IRAG1: variants seen among roughly 807,000 people sequenced by gnomAD.
IRAG1 encodes inositol 1,4,5-triphosphate receptor associated 1, also known as IP3R-associated cGMP kinase substrate.
Under a neutral mutation model 106.2 loss-of-function variants are expected in IRAG1, and 62 were observed. The observed-to-expected ratio is 0.58, with a 90% confidence interval of 0.48 to 0.72. The LOEUF is 0.72. Ranked by LOEUF, IRAG1 falls within the 30% of genes least tolerant of loss-of-function variation. IRAG1 has a pLI of 0.00. For missense variants in IRAG1, 1,064 were observed against 1,140.7 expected, an observed-to-expected ratio of 0.93 and a Z score of 0.97; for synonymous variants, 462 against 443.9, an observed-to-expected ratio of 1.04 and a Z score of -0.51.
At chr11:10,677,924 T>G (rs1282200677) in intron 1 of IRAG1, among the ~76,000 whole-genome samples, 1 of 152,254 alleles carries the variant, frequency 6.6e-6, no homozygotes, top group Non-Finnish European at 1.5e-5. Flanking sequence ...ATAATGTTTT[T>G]GAGGTTTATC....
Position 10,603,180 on chromosome 11 carries a change from G to T in IRAG1, c.1815C>A (p.Val605=), listed in dbSNP as rs761553369. The T allele has an allele frequency of 1.7e-5, 27 of 1,610,930 alleles. 1 individual carries two copies. The Middle Eastern group carries it at 8.4e-4, about 50-fold the overall frequency. ...AGAGGCGGGCAGCCAGGCGGTGCAGGACAGCGATGTCCTCCAGCAACTTCT... is the reference window on the plus strand; with the variant it reads ...AGAGGCGGGCAGCCAGGCGGTGCAGTACAGCGATGTCCTCCAGCAACTTCT... The part of the protein sequence containing the change: ...TYQKLLEDIA[V]LHRLAARLSS... Residue 605 remains valine, a synonymous_variant, in exon 14 of 21, where the codon GTC becomes GTA. Transcript: ENST00000423302.
At position 10,580,396 on chromosome 11, in the gene IRAG1, T is replaced by G. The variant is rs1231706051; in HGVS notation, c.2495+59A>C. The G allele has an allele frequency of 3.2e-6, 5 of 1,575,052 alleles. No homozygotes were observed. The African/African-American group carries it at 6.9e-5, about 22-fold the overall frequency. ...TTCCAGGGATTTTGTGCATTTAAAT[T>G]AGATGAATTGTAACCCCCATTTCAG... On this transcript the variant is annotated intron_variant, in intron 20 of 20. Coordinates refer to ENST00000423302, the MANE Select transcript of IRAG1 (RefSeq NM_130385.4).
At chr11:10,592,407 A>G (rs1852782477) in intron 17 of IRAG1, among the ~76,000 whole-genome samples, 1 of 152,072 alleles carries the variant, frequency 6.6e-6, no homozygotes, top group Non-Finnish European at 1.5e-5. Flanking sequence ...ATTCTTAAAC[A>G]TTTTTTTCAG....
chr11:10,631,355 C>T (rs544035330), intron 4 of IRAG1, among the ~76,000 whole-genome samples: 2 of 152,340 alleles, frequency 1.3e-5, no homozygotes, highest in South Asian at 2.1e-4. Flanking sequence ...TTTCCTCCCT[C>T]GCCTATCTGT....
chr11:10,609,644 C>T, intron 11 of IRAG1, 84 bp downstream of exon 11: 1 of 1,474,724 alleles, frequency 6.8e-7, no homozygotes, highest in East Asian at 2.4e-5. Flanking sequence ...AGAATTAAGA[C>T]TGGTGTTCCT....
In IRAG1 at chr11:10,600,984, G is replaced by T; in HGVS notation, c.1951C>A (p.His651Asn). Residue 651 changes from histidine to asparagine, a missense_variant, in exon 15 of 21, where the codon CAT (histidine) becomes AAT (asparagine). Physicochemically the swap from His to Asn is moderately conservative, Grantham distance 68 (BLOSUM62 1). Coordinates refer to ENST00000423302, the MANE Select transcript of IRAG1 (RefSeq NM_130385.4). ...ENLKRTYEKD[H>N]AELMEFKKLA... ...TTTTTAAACTCCATGAGCTCCGCAT[G>T]GTCCTTCTCATACGTCCTCTTTAGA... 6.2e-7 allele frequency: 1 copy of T among 1,614,064 alleles called. No homozygotes were observed. The highest frequency in any genetic ancestry group is 8.5e-7 in the Non-Finnish European group (1 of 1,179,896).
chr11:10,632,479 C>T (rs1385553766), intron 3 of IRAG1, among the ~76,000 whole-genome samples: 1 of 152,126 alleles, frequency 6.6e-6, no homozygotes, highest in Admixed American at 6.5e-5. Context: ...AGCCACTGTG[C>T]CCAGCCAGAT....
Position 10,634,030 on chromosome 11 carries a change from C to T in IRAG1, c.267G>A (p.Thr89=), listed in dbSNP as rs751027801. ...AAGVSCSPTP[T]IVLTGDATSP... is the part of the protein sequence containing the mutation. ...AAGTGGCATCCCCAGTCAGGACAAT[C>T]GTGGGAGTTGGACTGCAAGATACTC... Residue 89 remains threonine (T), a synonymous_variant, in exon 3 of 21, where the codon ACG becomes ACA. Coordinates refer to ENST00000423302, the MANE Select transcript of IRAG1 (RefSeq NM_130385.4). The T allele has an allele frequency of 1.8e-5, 29 of 1,612,372 alleles. No homozygotes were observed. In the Admixed American group the frequency reaches 4.2e-4, roughly 23 times the overall value.
intron 1 of IRAG1, among the ~76,000 whole-genome samples, chr11:10,679,715 C>T (rs1473692815): frequency 6.6e-6 from 1 of 152,222 alleles, no homozygotes; most frequent in Non-Finnish European, 1.5e-5. Context: ...ATACCACTAA[C>T]CACTTATCCC....
At chr11:10,623,746 G>A (rs759574101) in intron 10 of IRAG1, 32 bp downstream of exon 10, 20 of 1,602,818 alleles carry the variant, frequency 1.2e-5, no homozygotes, top group Admixed American at 3.3e-5. Flanking sequence ...ATCAGCACTC[G>A]CTGAGACAGC....
At position 10,657,619 on chromosome 11, in the gene IRAG1, T is replaced by G. The variant is rs896951687; in HGVS notation, c.68-5437A>C. ...TGACTCAGTATTCTCAGAAGGGAGT[T>G]TTTTTGTTCTTCCAGCTTTGAATTT... On this transcript the variant is annotated intron_variant, in intron 1 of 20. Coordinates refer to ENST00000423302, the MANE Select transcript of IRAG1 (RefSeq NM_130385.4). The surrounding 1 kb of genome is among the most constrained non-coding windows in gnomAD (Gnocchi z 4.1). Among the ~76,000 whole-genome samples, 1 of 152,172 alleles carries G rather than the reference T, an allele frequency of 6.6e-6. No homozygotes were observed. The highest frequency in any genetic ancestry group is 2.4e-5 in the African/African-American group (1 of 41,444).
intron 1 of IRAG1, among the ~76,000 whole-genome samples, chr11:10,667,224 G>A (rs552532064): frequency 2.0e-5 from 3 of 151,856 alleles, no homozygotes; most frequent in African/African-American, 7.2e-5. Context: ...CATTGTTCTC[G>A]TGGCCTTTCA....
intron 12 of IRAG1, among the ~76,000 whole-genome samples, chr11:10,605,700 T>A (rs1854416307): frequency 6.6e-6 from 1 of 152,188 alleles, no homozygotes; most frequent in Admixed American, 6.5e-5. Context: ...CGGTCAGCAT[T>A]TGGACATTAA....
At chr11:10,595,300 A>G (rs2134244042) in intron 15 of IRAG1, among the ~76,000 whole-genome samples, 1 of 152,162 alleles carries the variant, frequency 6.6e-6, no homozygotes, top group South Asian at 2.1e-4. Flanking sequence ...TGTGATTAAT[A>G]TATTTGTATT....
intron 2 of IRAG1, among the ~76,000 whole-genome samples, chr11:10,641,252 G>A (rs146800480): frequency 1.3e-5 from 2 of 152,346 alleles, no homozygotes; most frequent in African/African-American, 4.8e-5. Context: ...TGCTCACTAA[G>A]CATTAGATGT....
intron 18 of IRAG1, among the ~76,000 whole-genome samples, chr11:10,587,323 A>C (rs996210523): frequency 6.6e-6 from 1 of 152,166 alleles, no homozygotes; most frequent in South Asian, 2.1e-4. Context: ...TGTGATCGGC[A>C]TATCTTCTTG....
rs530625595 is a variant in IRAG1, at chr11:10,624,240, G to A, written c.1369-384C>T. On this transcript the variant is annotated intron_variant, in intron 9 of 20. Transcript: ENST00000423302. ...GGAGGGTCCCCTGGGTGTGTATGGC[G>A]CTGCTCCTGGAAACAGCTTTGGCGA... 2.1e-4 allele frequency among the ~76,000 whole-genome samples: 32 copies of A among 152,254 alleles called. No individual in the cohort carries two copies. In the South Asian group the frequency reaches 2.3e-3, roughly 11 times the overall value.
intron 19 of IRAG1, 85 bp downstream of exon 19, chr11:10,581,761 GGCCACTGGTTACTTCCCTAAA>G (rs1333269739): frequency 1.5e-6 from 2 of 1,374,550 alleles, no homozygotes; most frequent in African/African-American, 2.9e-5. Flanking sequence ...GAGGTCCTGC[GGCCACTGGTTACTTCCCTAAA>G]GCCTCTAAGA....
rs373662058 is a variant in IRAG1 at position 10,576,615 on chromosome 11, G to A, written c.2496-40C>T. The A allele has an allele frequency of 1.5e-5, 24 of 1,610,908 alleles. No individual in the cohort carries two copies. In the East Asian group the frequency reaches 4.5e-4, roughly 30 times the overall value. On this transcript the variant is annotated intron_variant, in intron 20 of 20. Transcript: ENST00000423302. Reference sequence around the variant, plus strand: ...AAATATGCAGAGGCTTTAGTATACTGGGCACACATATGATACACAGACCCA... The same window carrying A: ...AAATATGCAGAGGCTTTAGTATACTAGGCACACATATGATACACAGACCCA...
Sources: allele counts gnomAD v4.1 joint callset (sites outside exome capture counted in the v4.1 genomes callset), GRCh38; gene constraint gnomAD v4.1.1; non-coding constraint Gnocchi (gnomAD v3.1); transcripts MANE v1.5; gene names NCBI Gene and HGNC (gene_info 2026-07-23, HGNC 2026-07-21).